Variants in MTUS2 observed in about 807,000 individuals in gnomAD.
The protein encoded by MTUS2 is microtubule-associated tumor suppressor candidate 2.
MTUS2 carries 40 observed loss-of-function variants against 114.1 expected under a neutral mutation model. The observed-to-expected ratio is 0.35, with a 90% confidence interval of 0.27 to 0.46. The LOEUF (loss-of-function observed/expected upper bound fraction) is 0.46, where lower values mean the gene tolerates loss of function less well. MTUS2 is among the 20% of genes least tolerant of loss of function. The pLI is 1.00. For synonymous variants in MTUS2, 688 were observed against 672.0 expected (o/e 1.02, Z -0.37); for missense variants, 1,679 against 1,705.4 (o/e 0.98, Z 0.27).
chr13:29,345,842 G>A (rs1437108581), intron 7 of MTUS2, among the ~76,000 whole-genome samples: 1 of 152,100 alleles, frequency 6.6e-6, no homozygotes, highest in Non-Finnish European at 1.5e-5. Context: ...TGTCCCACAG[G>A]GTGCTCCCTT....
At chr13:29,202,254 T>G (rs1894989842) in intron 5 of MTUS2, among the ~76,000 whole-genome samples, 1 of 152,240 alleles carries the variant, frequency 6.6e-6, no homozygotes, top group Non-Finnish European at 1.5e-5. Flanking sequence ...TTCATTAAAT[T>G]GATCTTCAAT....
intron 2 of MTUS2, among the ~76,000 whole-genome samples, chr13:28,859,476 C>G (rs1876838913): frequency 6.6e-6 from 1 of 152,142 alleles, no homozygotes; most frequent in South Asian, 2.1e-4. Context: ...TCCTCCTTTA[C>G]TTTCTAGGAC....
At chr13:28,823,602 C>T (rs930788078) in intron 1 of MTUS2, among the ~76,000 whole-genome samples, 5 of 152,248 alleles carry the variant, frequency 3.3e-5, no homozygotes, top group African/African-American at 1.2e-4. Flanking sequence ...GAGCCCTCTT[C>T]TCAACTGGGC....
chr13:29,390,005 A>ATATATCTGTG lies in MTUS2; in HGVS notation c.3117+30537_3117+30538insCTGTGTATAT, dbSNP rs1192358022. Among the ~76,000 whole-genome samples the ATATATCTGTG allele has an allele frequency of 2.3e-3, 8 of 3,516 alleles. 1 individual carries two copies. Among genetic ancestry groups the ATATATCTGTG allele is most frequent in the Admixed American group, 4.2e-3 (1 of 236 alleles). 2.3% of individuals were successfully genotyped at this position (3,516 alleles called of 152,430 possible). A position where few individuals can be genotyped will look rare whatever the true frequency, so the allele number is the denominator to read the frequency against. ...CATGTATGTGTATGTATGTATGTGT[A>ATATATCTGTG]TATATACACATACATGTATGTGTAT... On this transcript the variant is annotated intron_variant, in intron 8 of 15. Transcript: ENST00000612955.
chr13:29,002,779 A>G (rs1166090095), intron 2 of MTUS2, among the ~76,000 whole-genome samples: 1 of 152,216 alleles, frequency 6.6e-6, no homozygotes, highest in Non-Finnish European at 1.5e-5. Context: ...AAACTAGAAA[A>G]TTCTACAGTA....
intron 9 of MTUS2, 56 bp downstream of exon 9, chr13:29,440,105 G>C: frequency 1.3e-6 from 2 of 1,511,208 alleles, no homozygotes; most frequent in Non-Finnish European, 1.8e-6. Context: ...TGATTCCTGT[G>C]AATGTGTACC....
At chr13:29,049,465 T>A (rs554983409) in intron 4 of MTUS2, among the ~76,000 whole-genome samples, 1 of 152,216 alleles carries the variant, frequency 6.6e-6, no homozygotes, top group Non-Finnish European at 1.5e-5. Context: ...CTCAGCCCTT[T>A]GGCTGAGAGG....
At chr13:29,178,970 A>C (rs1016261093) in intron 5 of MTUS2, among the ~76,000 whole-genome samples, 5 of 152,214 alleles carry the variant, frequency 3.3e-5, no homozygotes, top group Admixed American at 3.3e-4. Context: ...GTGCAGTGAT[A>C]TGTGAACTCT....
chr13:29,311,259 C>T (rs1195290765), intron 6 of MTUS2, among the ~76,000 whole-genome samples: 5 of 152,164 alleles, frequency 3.3e-5, no homozygotes, highest in African/African-American at 9.7e-5. Flanking sequence ...GTTGTTTCCT[C>T]GAATGGAAAG....
At chr13:29,308,388 C>T (rs775648671) in intron 6 of MTUS2, among the ~76,000 whole-genome samples, 3 of 152,106 alleles carry the variant, frequency 2.0e-5, no homozygotes, top group Non-Finnish European at 2.9e-5. Flanking sequence ...TTCCTTTCAC[C>T]ATATACAATA....
intron 4 of MTUS2, among the ~76,000 whole-genome samples, chr13:29,054,487 A>G (rs1014586296): frequency 1.3e-5 from 2 of 152,148 alleles, no homozygotes; most frequent in African/African-American, 2.4e-5. Context: ...ATTTAGAGAT[A>G]GAAATTAGAA....
intron 8 of MTUS2, among the ~76,000 whole-genome samples, chr13:29,422,494 C>T (rs1012783051): frequency 4.6e-5 from 7 of 152,156 alleles, no homozygotes; most frequent in Admixed American, 3.9e-4. Flanking sequence ...TCCAAGGAGA[C>T]CCACCATTAG....
chr13:29,321,834 C>G (rs773333270), intron 6 of MTUS2, among the ~76,000 whole-genome samples: 10 of 152,130 alleles, frequency 6.6e-5, no homozygotes, highest in Non-Finnish European at 1.2e-4. Context: ...TTACTTATTT[C>G]TAAGCATAAT....
intron 2 of MTUS2, among the ~76,000 whole-genome samples, chr13:28,861,572 A>G (rs1254210187): frequency 6.6e-6 from 1 of 152,112 alleles, no homozygotes; most frequent in African/African-American, 2.4e-5. Flanking sequence ...TCAGTAGGCA[A>G]TAGTTGCAGT....
At chr13:29,200,522 T>TTTTTTTTC (rs1894901795) in intron 5 of MTUS2, among the ~76,000 whole-genome samples, 2 of 14,698 alleles carry the variant, frequency 1.4e-4, no homozygotes, top group Non-Finnish European at 2.3e-4. Context: ...TCTTTTTCTG[T>TTTTTTTTC]TTTTTTTTTT....
At chr13:29,061,488 A>G (rs326523) in intron 4 of MTUS2, among the ~76,000 whole-genome samples, 147,832 of 152,310 alleles carry the variant, frequency 0.97, 71,766 homozygotes, top group Non-Finnish European at 0.98. Flanking sequence ...ATGCAGATTG[A>G]TATTCATCCA....
At chr13:28,917,512 T>C (rs1385147440) in intron 2 of MTUS2, among the ~76,000 whole-genome samples, 2 of 151,858 alleles carry the variant, frequency 1.3e-5, no homozygotes, top group African/African-American at 4.8e-5. Flanking sequence ...TCTAGGAATT[T>C]ATCTCATAGT....
Position 29,454,458 on chromosome 13 carries a change from C to G in MTUS2, c.3184+14409C>G, listed in dbSNP as rs192641919. 2.8e-3 allele frequency among the ~76,000 whole-genome samples: 425 copies of G among 152,278 alleles called. 6 individuals carry two copies. Among genetic ancestry groups the G allele is most frequent in the African/African-American group, 9.7e-3 (405 of 41,548 alleles). ...AGGGAAATACTTTTAACTAAGTTTACTGGAGCACGATGTAGAAAATCAAAT... is the reference window on the plus strand; with the variant it reads ...AGGGAAATACTTTTAACTAAGTTTAGTGGAGCACGATGTAGAAAATCAAAT... On this transcript the variant is annotated intron_variant, in intron 9 of 15. Coordinates refer to ENST00000612955, the MANE Select transcript of MTUS2 (RefSeq NM_001033602.4).
chr13:29,386,015 G>A (rs1490578333), intron 8 of MTUS2, among the ~76,000 whole-genome samples: 1 of 152,052 alleles, frequency 6.6e-6, no homozygotes, highest in Non-Finnish European at 1.5e-5. Flanking sequence ...GAAAGATAAA[G>A]GAGTTACCTA....
Sources: gnomAD v4.1 joint callset for allele counts (sites outside exome capture counted in the v4.1 genomes callset) on GRCh38, gnomAD v4.1.1 for gene constraint, MANE v1.5 for transcripts, NCBI Gene and HGNC (gene_info 2026-07-23, HGNC 2026-07-21) for gene names.